Variants in USP3 observed in about 807,000 individuals in gnomAD.
The protein encoded by USP3 is ubiquitin carboxyl-terminal hydrolase 3.
USP3 carries 20 observed loss-of-function variants against 72.3 expected under a neutral mutation model. The observed-to-expected ratio is 0.28, with a 90% CI of 0.19 to 0.40. USP3 has a LOEUF of 0.40. Among genes scored for constraint, USP3 ranks in the 10% least tolerant of loss-of-function variants. The pLI is 1.00. For missense variants in USP3, 479 were observed against 633.9 expected (o/e 0.76, Z 2.62); for synonymous variants, 222 against 225.3 (o/e 0.99, Z 0.13).
At chr15:63,552,667 A>G (rs2066453205) in intron 3 of USP3, among the ~76,000 whole-genome samples, 1 of 152,186 alleles carries the variant, frequency 6.6e-6, no homozygotes. Flanking sequence ...ATTTCTCTGA[A>G]TAAAAGACAC....
chr15:63,515,756 C>A (rs2065842295), intron 1 of USP3, among the ~76,000 whole-genome samples: 1 of 152,134 alleles, frequency 6.6e-6, no homozygotes, highest in African/African-American at 2.4e-5. Flanking sequence ...AAGATTAATT[C>A]ATGTTTTCAG....
chr15:63,513,378 G>C (rs1044507605), intron 1 of USP3, among the ~76,000 whole-genome samples: 14 of 151,940 alleles, frequency 9.2e-5, no homozygotes, highest in Admixed American at 4.6e-4. Context: ...TTTTATTTTT[G>C]CTTATTTATT....
intron 2 of USP3, among the ~76,000 whole-genome samples, chr15:63,536,164 A>C (rs766169116): frequency 1.3e-5 from 2 of 152,218 alleles, no homozygotes; most frequent in Non-Finnish European, 2.9e-5. Context: ...ATCTTTGTCC[A>C]TGTAGAGAAA....
chr15:63,586,123 ATC>A (rs2067055439), intron 11 of USP3, among the ~76,000 whole-genome samples: 1 of 152,202 alleles, frequency 6.6e-6, no homozygotes, highest in Non-Finnish European at 1.5e-5. Context: ...AGATCATGTG[ATC>A]TGTCAGCAGA....
chr15:63,558,569 T>G (rs2152672109), intron 6 of USP3, among the ~76,000 whole-genome samples: 1 of 147,846 alleles, frequency 6.8e-6, no homozygotes, highest in African/African-American at 2.5e-5. Context: ...CCCCCCGCTC[T>G]TTATTAAAAC....
At chr15:63,555,795 T>C (rs2066498163) in intron 4 of USP3, among the ~76,000 whole-genome samples, 1 of 152,206 alleles carries the variant, frequency 6.6e-6, no homozygotes, top group African/African-American at 2.4e-5. Context: ...CTGAAGAACA[T>C]TTTGAGGTTT....
At chr15:63,512,344 C>T (rs62011296) in intron 1 of USP3, among the ~76,000 whole-genome samples, 3 of 72,574 alleles carry the variant, frequency 4.1e-5, no homozygotes, top group South Asian at 3.4e-4. Flanking sequence ...CCTCCTCTTC[C>T]TCCTCTTCCT....
chr15:63,536,316 C>G (rs2066154171), intron 2 of USP3, among the ~76,000 whole-genome samples: 1 of 152,062 alleles, frequency 6.6e-6, no homozygotes, highest in Admixed American at 6.5e-5. Context: ...GGAACATTGT[C>G]CTGTTTCTCT....
chr15:63,565,341 A>T lies in USP3; in HGVS notation c.761+2333A>T, dbSNP rs190597298. Reference sequence around the variant, plus strand: ...AAAAGCCAGTTACCTAGCAGGGAAAATTTTCTTGAAGTTTTGACCTTTTCC... The same window carrying T: ...AAAAGCCAGTTACCTAGCAGGGAAATTTTTCTTGAAGTTTTGACCTTTTCC... On this transcript the variant is annotated intron_variant, in intron 8 of 14. Coordinates refer to ENST00000380324, the MANE Select transcript of USP3 (RefSeq NM_006537.4). 7.0e-4 allele frequency among the ~76,000 whole-genome samples: 107 copies of T among 152,084 alleles called. No individual in the cohort carries two copies. In the South Asian group the frequency reaches 9.3e-3, roughly 13 times the overall value.
At chr15:63,586,286 T>C (rs533875528) in intron 11 of USP3, among the ~76,000 whole-genome samples, 80 of 152,332 alleles carry the variant, frequency 5.3e-4, no homozygotes, top group Middle Eastern at 6.8e-3. Context: ...TCTTTCACCA[T>C]TGAGTGTGAT....
chr15:63,533,666 C>A, intron 2 of USP3: 1 of 284,034 alleles, frequency 3.5e-6, no homozygotes, highest in East Asian at 1.1e-4. Flanking sequence ...GAGCATCTTT[C>A]TTTGTTCAGT....
chr15:63,506,890 T>G (rs1301554033), intron 1 of USP3, among the ~76,000 whole-genome samples: 1 of 152,194 alleles, frequency 6.6e-6, no homozygotes, highest in Non-Finnish European at 1.5e-5. Flanking sequence ...ACACTCTGAA[T>G]TGAACCCATT....
chr15:63,540,259 T>A (rs560054674), intron 3 of USP3, among the ~76,000 whole-genome samples: 2 of 152,194 alleles, frequency 1.3e-5, no homozygotes, highest in Non-Finnish European at 2.9e-5. Context: ...TATGAAGTTA[T>A]CACTGAACTC....
At chr15:63,511,514 G>A (rs1054544217) in intron 1 of USP3, among the ~76,000 whole-genome samples, 4 of 152,034 alleles carry the variant, frequency 2.6e-5, no homozygotes, top group African/African-American at 9.7e-5. Context: ...GATATAGTTT[G>A]GAAGAAACAA....
In USP3 at chr15:63,588,295, A is replaced by C. The variant is rs752723481; in HGVS notation, c.1097-10A>C. On this transcript the variant is annotated splice_polypyrimidine_tract_variant and intron_variant, in intron 11 of 14. Coordinates refer to ENST00000380324, the MANE Select transcript of USP3 (RefSeq NM_006537.4). This position sits in a 1 kb window ranked among gnomAD's most constrained non-coding sequence, Gnocchi z 4.6. ...TCTTGTTTTAATGCTGCCAAAATCAATTTGTTTAGATTGTCTTCGCAGTTT... is the reference window on the plus strand; with the variant it reads ...TCTTGTTTTAATGCTGCCAAAATCACTTTGTTTAGATTGTCTTCGCAGTTT... The C allele has an allele frequency of 3.8e-6, 6 of 1,581,308 alleles. No individual in the cohort carries two copies. In the South Asian group the frequency reaches 5.8e-5, roughly 15 times the overall value.
At chr15:63,566,253 G>A (rs942024075) in intron 8 of USP3, among the ~76,000 whole-genome samples, 1 of 150,884 alleles carries the variant, frequency 6.6e-6, no homozygotes, top group African/African-American at 2.4e-5. Context: ...CAGGTTTATA[G>A]ACAATGTAAA....
intron 2 of USP3, among the ~76,000 whole-genome samples, chr15:63,536,177 G>A (rs1253684607): frequency 6.6e-6 from 1 of 152,170 alleles, no homozygotes; most frequent in African/African-American, 2.4e-5. Flanking sequence ...TAGAGAAATA[G>A]CAGTTTTTGT....
chr15:63,589,792 G>T (rs2067151548), intron 14 of USP3, among the ~76,000 whole-genome samples: 1 of 148,638 alleles, frequency 6.7e-6, no homozygotes, highest in Non-Finnish European at 1.5e-5. Flanking sequence ...AATGATTTCT[G>T]TCTGTGTTTC....
intron 11 of USP3, among the ~76,000 whole-genome samples, chr15:63,581,173 C>G (rs2066951518): frequency 6.6e-6 from 1 of 152,144 alleles, no homozygotes; most frequent in East Asian, 1.9e-4. Context: ...AATTCACACT[C>G]ATGCTGCTGC....
Sources: gnomAD v4.1 joint callset for allele counts (sites outside exome capture counted in the v4.1 genomes callset) on GRCh38, gnomAD v4.1.1 for gene constraint, Gnocchi (gnomAD v3.1) non-coding constraint, MANE v1.5 for transcripts, NCBI Gene and HGNC (gene_info 2026-07-23, HGNC 2026-07-21) for gene names.